The following VTCN1 variants were observed in gnomAD, a reference collection of about 807,000 sequenced individuals.
VTCN1 encodes V-set domain-containing T-cell activation inhibitor 1.
Under a neutral mutation model 26.5 loss-of-function variants are expected in VTCN1, and 26 were observed. That is an observed-to-expected ratio of 0.98 (90% confidence interval 0.72 to 1.36). VTCN1 has a LOEUF of 1.36. Among genes scored for constraint, VTCN1 ranks in the 40% most tolerant of loss-of-function variants. The probability of loss-of-function intolerance (pLI) is 0.00; values close to 1 mark genes in which losing one functional copy is unlikely to be tolerated. For synonymous variants in VTCN1, 116 were observed against 130.7 expected (o/e 0.89, Z 0.77); for missense variants, 298 against 337.7 (o/e 0.88, Z 0.92).
In VTCN1 at chr1:117,183,043, A is replaced by G. The variant is rs1162457166; in HGVS notation, c.33-12872T>C. On this transcript the variant is annotated intron_variant, in intron 1 of 5. Transcript: ENST00000369458. The surrounding 1 kb of genome is among the most constrained non-coding windows in gnomAD (Gnocchi z 4.1). ...GAAAAAGAATAAGATTAAAATATAA[A>G]GTATTGATTTAAGCATAGAAAGCGA... Among the ~76,000 whole-genome samples, 2 of 152,240 alleles carry G rather than the reference A, an allele frequency of 1.3e-5. No individual in the cohort carries two copies. Among genetic ancestry groups the G allele is most frequent in the African/African-American group, 4.8e-5 (2 of 41,466 alleles).
intron 2 of VTCN1, 141 bp from the exon 3 acceptor site, chr1:117,157,062 G>A (rs1017050632): frequency 3.6e-5 from 51 of 1,402,500 alleles, no homozygotes; most frequent in Non-Finnish European, 5.0e-5. Context: ...AAGAAGACAA[G>A]AAGAGAAAGA....
At chr1:117,152,651 T>C (rs1225213259) in intron 4 of VTCN1, among the ~76,000 whole-genome samples, 1 of 152,182 alleles carries the variant, frequency 6.6e-6, no homozygotes, top group Non-Finnish European at 1.5e-5. Flanking sequence ...AGACTTTTAG[T>C]CTTCAGATTC....
intron 4 of VTCN1, among the ~76,000 whole-genome samples, chr1:117,151,904 TG>T (rs1651823116): frequency 6.6e-6 from 1 of 152,218 alleles, no homozygotes; most frequent in African/African-American, 2.4e-5. Context: ...GCCACCCTAA[TG>T]GGCATTAGGT....
intron 2 of VTCN1, among the ~76,000 whole-genome samples, chr1:117,164,872 C>T (rs1008952671): frequency 2.0e-5 from 3 of 152,204 alleles, no homozygotes; most frequent in South Asian, 2.1e-4. Flanking sequence ...TGATTGGAAC[C>T]CCTCAACCTC....
intron 2 of VTCN1, among the ~76,000 whole-genome samples, chr1:117,166,314 C>G (rs914127997): frequency 6.6e-6 from 1 of 152,194 alleles, no homozygotes; most frequent in African/African-American, 2.4e-5. Context: ...AAAAGATAAA[C>G]AACTCTCTTA....
In VTCN1 at chr1:117,175,355, A is replaced by G. The variant is rs891768943; in HGVS notation, c.33-5184T>C. ...CAGGGGATATAAAAAATGCACAGAT[A>G]TAATAAAATAAACACTCCCGCTGCT... On this transcript the variant is annotated intron_variant, in intron 1 of 5. Coordinates refer to ENST00000369458, the MANE Select transcript of VTCN1 (RefSeq NM_024626.4). The surrounding 1 kb of genome is among the most constrained non-coding windows in gnomAD (Gnocchi z 4.2). Among the ~76,000 whole-genome samples the G allele has an allele frequency of 6.6e-6, 1 of 152,330 alleles. No homozygotes were observed.
At chr1:117,162,952 G>C (rs1177946802) in intron 2 of VTCN1, among the ~76,000 whole-genome samples, 2 of 152,178 alleles carry the variant, frequency 1.3e-5, no homozygotes, top group South Asian at 4.2e-4. Context: ...AGACAGGTTC[G>C]TACATTCCAG....
intron 1 of VTCN1, chr1:117,173,106 G>T: frequency 2.8e-6 from 2 of 710,044 alleles, no homozygotes; most frequent in South Asian, 3.0e-5. Context: ...AAGTCAGAGA[G>T]ACCAGAACCC....
At chr1:117,149,293 G>GTT (rs1553206854) in intron 4 of VTCN1, among the ~76,000 whole-genome samples, 4 of 141,510 alleles carry the variant, frequency 2.8e-5, no homozygotes, top group Admixed American at 7.1e-5. Context: ...TTTGGGGTGG[G>GTT]TTTTTTTTTT....
In VTCN1 at chr1:117,175,817, C is replaced by T. The variant is rs187500850; in HGVS notation, c.33-5646G>A. ...ATGGAGTTTCACTCTGTTGCCCAGG[C>T]TGGAGTGCACTGGCATGATCTCAGT... On this transcript the variant is annotated intron_variant, in intron 1 of 5. Coordinates refer to ENST00000369458, the MANE Select transcript of VTCN1 (RefSeq NM_024626.4). The surrounding 1 kb of genome is among the most constrained non-coding windows in gnomAD (Gnocchi z 4.2). Among the ~76,000 whole-genome samples the T allele has an allele frequency of 6.8e-6, 1 of 146,678 alleles. No homozygotes were observed. Among genetic ancestry groups the T allele is most frequent in the African/African-American group, 2.6e-5 (1 of 39,108 alleles).
chr1:117,153,466 T>C (rs1651909623), intron 3 of VTCN1, 97 bp from the exon 4 acceptor site: 4 of 1,353,106 alleles, frequency 3.0e-6, no homozygotes, highest in Non-Finnish European at 3.9e-6. Flanking sequence ...CAGTCATTTT[T>C]TTTTTTTTTT....
At chr1:117,156,956 A>G (rs1652113047) in intron 2 of VTCN1, 35 bp from the exon 3 acceptor site, 1 of 1,613,508 alleles carries the variant, frequency 6.2e-7, no homozygotes, top group East Asian at 2.2e-5. Flanking sequence ...ATGCTAAGGG[A>G]AGCCTTGGAA....
At chr1:117,166,436 G>A (rs544692668) in intron 2 of VTCN1, among the ~76,000 whole-genome samples, 5 of 152,194 alleles carry the variant, frequency 3.3e-5, no homozygotes, top group Admixed American at 1.3e-4. Context: ...ATAAGATCAG[G>A]AATAGGGTAA....
intron 1 of VTCN1, among the ~76,000 whole-genome samples, chr1:117,206,482 G>T (rs963013810): frequency 6.6e-6 from 1 of 152,080 alleles, no homozygotes; most frequent in African/African-American, 2.4e-5. Context: ...ACTATTATCT[G>T]CCCCATTTCA....
intron 1 of VTCN1, among the ~76,000 whole-genome samples, chr1:117,186,539 T>C (rs142739354): frequency 6.6e-6 from 1 of 152,346 alleles, no homozygotes; most frequent in African/African-American, 2.4e-5. Context: ...TGTTTTATGT[T>C]GGAACTGGGG....
chr1:117,186,386 C>T (rs561308281), intron 1 of VTCN1, among the ~76,000 whole-genome samples: 6 of 152,306 alleles, frequency 3.9e-5, no homozygotes, highest in East Asian at 3.9e-4. Context: ...CCAAATGAAG[C>T]GTCTTCAAGA....
intron 1 of VTCN1, among the ~76,000 whole-genome samples, chr1:117,198,466 C>T (rs1648622924): frequency 6.6e-6 from 1 of 152,226 alleles, no homozygotes; most frequent in African/African-American, 2.4e-5. Context: ...TCACTGTACT[C>T]TGATTCTACC....
At chr1:117,200,441 T>C (rs578006627) in intron 1 of VTCN1, among the ~76,000 whole-genome samples, 1 of 152,252 alleles carries the variant, frequency 6.6e-6, no homozygotes, top group South Asian at 2.1e-4. Flanking sequence ...TGCAGAGTAG[T>C]GTCAAGGATA....
chr1:117,176,928 G>A (rs769158677), intron 1 of VTCN1, among the ~76,000 whole-genome samples: 4 of 152,058 alleles, frequency 2.6e-5, no homozygotes, highest in Non-Finnish European at 5.9e-5. Context: ...GTGAAAGCCC[G>A]TCTCTACTAA....
Sources: gnomAD v4.1 joint callset for allele counts (sites outside exome capture counted in the v4.1 genomes callset) on GRCh38, gnomAD v4.1.1 for gene constraint, Gnocchi (gnomAD v3.1) non-coding constraint, MANE v1.5 for transcripts, NCBI Gene and HGNC (gene_info 2026-07-23, HGNC 2026-07-21) for gene names.